The following PTPRT variants were observed in gnomAD, a reference collection of about 807,000 sequenced individuals.
The protein encoded by PTPRT is receptor-type tyrosine-protein phosphatase T.
Under a neutral mutation model 176.8 loss-of-function variants are expected in PTPRT, and 56 were observed. The ratio of observed to expected loss-of-function variants is 0.32; its 90% CI spans 0.26 to 0.40. The LOEUF (loss-of-function observed/expected upper bound fraction) is 0.40. Ranked by LOEUF, PTPRT falls within the 10% of genes least tolerant of loss-of-function variation. PTPRT has a pLI of 1.00. For synonymous variants in PTPRT, 783 were observed against 739.0 expected (o/e 1.06, Z -0.96); for missense variants, 1,540 against 1,908.2 (o/e 0.81, Z 3.60).
chr20:42,990,864 T>G (rs1983871108), intron 1 of PTPRT, among the ~76,000 whole-genome samples: 1 of 152,188 alleles, frequency 6.6e-6, no homozygotes, highest in Non-Finnish European at 1.5e-5. Context: ...AGTTAGATAA[T>G]TTAGCAGATA....
chr20:42,038,112 A>G, the PTPRT span, among the ~76,000 whole-genome samples: 1 of 152,186 alleles, frequency 6.6e-6, no homozygotes, highest in Non-Finnish European at 1.5e-5. Context: ...ACCTTACAGA[A>G]TAATATTCCA....
intron 1 of PTPRT, among the ~76,000 whole-genome samples, chr20:43,083,361 T>C (rs1003310232): frequency 7.4e-5 from 9 of 122,168 alleles, no homozygotes; most frequent in East Asian, 2.3e-4. Flanking sequence ...TATATATATA[T>C]ATATATATAC....
At chr20:42,162,589 C>G (rs1337501519) in intron 16 of PTPRT, among the ~76,000 whole-genome samples, 3 of 152,210 alleles carry the variant, frequency 2.0e-5, no homozygotes, top group Admixed American at 2.0e-4. Flanking sequence ...AAGACATGGA[C>G]AGTCTATGCC....
intron 16 of PTPRT, among the ~76,000 whole-genome samples, chr20:42,197,351 C>T (rs1991266062): frequency 8.2e-6 from 1 of 121,368 alleles, no homozygotes; most frequent in African/African-American, 3.2e-5. Flanking sequence ...TGCACTCCCT[C>T]CTGGGTGATA....
At chr20:42,119,864 A>G (rs1278839047) in intron 20 of PTPRT, 71 bp downstream of exon 20, 1 of 1,356,430 alleles carries the variant, frequency 7.4e-7, no homozygotes, top group Non-Finnish European at 1.0e-6. Flanking sequence ...CAAGCCTTGC[A>G]GTTAAGAGAG....
chr20:42,175,485 A>G (rs1307841715), intron 16 of PTPRT, among the ~76,000 whole-genome samples: 1 of 152,104 alleles, frequency 6.6e-6, no homozygotes, highest in Admixed American at 6.6e-5. Flanking sequence ...AAACAAACCC[A>G]TCTGTGGTAT....
intron 16 of PTPRT, among the ~76,000 whole-genome samples, chr20:42,190,799 GGGAA>G (rs1343990630): frequency 6.6e-6 from 1 of 152,110 alleles, no homozygotes; most frequent in East Asian, 1.9e-4. Flanking sequence ...TCTATGAAAT[GGGAA>G]TAATAACATC....
At chr20:42,342,022 C>T (rs1238467818) in intron 11 of PTPRT, among the ~76,000 whole-genome samples, 1 of 152,196 alleles carries the variant, frequency 6.6e-6, no homozygotes, top group Non-Finnish European at 1.5e-5. Context: ...GAAATGCAGT[C>T]AGGGTAAAAG....
At chr20:42,512,212 C>T (rs2071971427) in intron 7 of PTPRT, among the ~76,000 whole-genome samples, 1 of 152,118 alleles carries the variant, frequency 6.6e-6, no homozygotes, top group Admixed American at 6.5e-5. Flanking sequence ...GTAACCACCA[C>T]CACTATCAGG....
chr20:43,008,912 C>A (rs905507405), intron 1 of PTPRT, among the ~76,000 whole-genome samples: 6 of 152,142 alleles, frequency 3.9e-5, no homozygotes, highest in African/African-American at 1.4e-4. Context: ...GAACATTAAG[C>A]TACCTTGGTC....
intron 9 of PTPRT, among the ~76,000 whole-genome samples, chr20:42,356,182 A>G (rs2058355808): frequency 1.3e-5 from 2 of 152,136 alleles, no homozygotes; most frequent in Non-Finnish European, 2.9e-5. Context: ...TAAACGTATA[A>G]TATAATATGA....
In PTPRT at chr20:42,649,653, T is replaced by A. The variant is rs779642387; in HGVS notation, c.1153+28213A>T. On this transcript the variant is annotated intron_variant, in intron 7 of 30. Coordinates refer to ENST00000373187, the MANE Select transcript of PTPRT (RefSeq NM_007050.6). ...GCTGGTTAAAGTAATAACTCCCTCA[T>A]CTCTGGGGAGTATGGGAAGGTCCTG... 1.6e-4 allele frequency among the ~76,000 whole-genome samples: 25 copies of A among 152,112 alleles called. 1 individual carries two copies. Among genetic ancestry groups the A allele is most frequent in the South Asian group, 4.1e-4 (2 of 4,830 alleles).
intron 1 of PTPRT, among the ~76,000 whole-genome samples, chr20:43,102,284 T>TCACACACACACACTCA (rs1555832318): frequency 7.1e-6 from 1 of 140,452 alleles, no homozygotes; most frequent in Non-Finnish European, 1.6e-5. Context: ...CACTCACACA[T>TCACACACACACACTCA]CACACACACA....
intron 2 of PTPRT, among the ~76,000 whole-genome samples, chr20:42,826,328 A>T (rs1343092749): frequency 6.6e-6 from 1 of 152,212 alleles, no homozygotes; most frequent in Non-Finnish European, 1.5e-5. Context: ...GAACATTCCA[A>T]TGTTCATCCA....
At chr20:43,158,443 G>A (rs756044683) in intron 1 of PTPRT, among the ~76,000 whole-genome samples, 5 of 152,296 alleles carry the variant, frequency 3.3e-5, no homozygotes, top group African/African-American at 7.2e-5. Context: ...ATACAAATTC[G>A]GGAGTCATTA....
chr20:42,567,741 G>C (rs1045429478), intron 7 of PTPRT, among the ~76,000 whole-genome samples: 1 of 152,156 alleles, frequency 6.6e-6, no homozygotes, highest in Non-Finnish European at 1.5e-5. Flanking sequence ...ACAGATGTAG[G>C]GGATGATTAA....
At chr20:42,254,467 G>A (rs2056603407) in intron 13 of PTPRT, among the ~76,000 whole-genome samples, 1 of 152,126 alleles carries the variant, frequency 6.6e-6, no homozygotes, top group Non-Finnish European at 1.5e-5. Context: ...GACTTTGAAG[G>A]TACATCACTC....
intron 1 of PTPRT, among the ~76,000 whole-genome samples, chr20:42,979,135 T>G (rs1208866409): frequency 6.6e-6 from 1 of 152,142 alleles, no homozygotes; most frequent in Non-Finnish European, 1.5e-5. Context: ...TTTAAATTTA[T>G]ATTTCAGCAA....
intron 1 of PTPRT, among the ~76,000 whole-genome samples, chr20:42,912,833 C>G (rs561404467): frequency 6.6e-6 from 1 of 152,230 alleles, no homozygotes; most frequent in African/African-American, 2.4e-5. Flanking sequence ...ATACATGGCT[C>G]TATTTCTGAG....
Sources: gnomAD v4.1 joint callset for allele counts (sites outside exome capture counted in the v4.1 genomes callset) on GRCh38, gnomAD v4.1.1 for gene constraint, MANE v1.5 for transcripts, NCBI Gene and HGNC (gene_info 2026-07-23, HGNC 2026-07-21) for gene names.